Variants in CACNA2D3 observed in about 807,000 individuals in gnomAD.
The protein encoded by CACNA2D3 is voltage-dependent calcium channel subunit alpha-2/delta-3.
In CACNA2D3, 60 loss-of-function variants were observed where a neutral mutation model predicts 160.6. The observed-to-expected ratio is 0.37, with a 90% CI of 0.30 to 0.46. The LOEUF (loss-of-function observed/expected upper bound fraction) is 0.46. Among genes scored for constraint, CACNA2D3 ranks in the 20% least tolerant of loss-of-function variants. The probability of loss-of-function intolerance (pLI) is 1.00; values close to 1 mark genes in which losing one functional copy is unlikely to be tolerated. For synonymous variants in CACNA2D3, 558 were observed against 492.9 expected (o/e 1.13, Z -1.75); for missense variants, 1,205 against 1,365.0 (o/e 0.88, Z 1.85).
chr3:54,758,223 G>A (rs1357494176), intron 12 of CACNA2D3, among the ~76,000 whole-genome samples: 2 of 152,096 alleles, frequency 1.3e-5, no homozygotes, highest in Non-Finnish European at 2.9e-5. Context: ...GCTATAAGAA[G>A]GAGACAGCAT....
At chr3:55,070,968 G>A (rs560399761) in intron 35 of CACNA2D3, among the ~76,000 whole-genome samples, 9 of 152,104 alleles carry the variant, frequency 5.9e-5, no homozygotes, top group South Asian at 4.2e-4. Context: ...AGAGTTTTGG[G>A]TCCATATTTT....
At chr3:55,033,556 G>C (rs10703944) in intron 35 of CACNA2D3, among the ~76,000 whole-genome samples, 36,702 of 137,832 alleles carry the variant, frequency 0.27, 5,002 homozygotes, top group Admixed American at 0.32. Flanking sequence ...CGATATGTCT[G>C]AAACTATCGT....
intron 5 of CACNA2D3, among the ~76,000 whole-genome samples, chr3:54,559,407 C>T (rs1345489562): frequency 2.0e-5 from 3 of 152,102 alleles, no homozygotes; most frequent in African/African-American, 7.2e-5. Flanking sequence ...ATTTTCCTGT[C>T]TCAGCCTCCC....
chr3:54,907,205 A>T (rs1273252154), intron 27 of CACNA2D3, among the ~76,000 whole-genome samples: 1 of 152,222 alleles, frequency 6.6e-6, no homozygotes, highest in East Asian at 1.9e-4. Flanking sequence ...GGATGTGGAC[A>T]TAAAAGACAG....
At chr3:54,481,520 G>A (rs76648639) in intron 4 of CACNA2D3, among the ~76,000 whole-genome samples, 3,107 of 152,300 alleles carry the variant, frequency 0.02, 86 homozygotes, top group East Asian at 0.11. Context: ...CAGTTGGAGC[G>A]TGTGAAATGA....
At chr3:54,595,921 C>T (rs1702945262) in intron 9 of CACNA2D3, among the ~76,000 whole-genome samples, 1 of 152,072 alleles carries the variant, frequency 6.6e-6, no homozygotes, top group Non-Finnish European at 1.5e-5. Context: ...CACAGAGGAG[C>T]AAAGCCATTT....
chr3:54,290,045 G>A (rs10865984), intron 2 of CACNA2D3, among the ~76,000 whole-genome samples: 40,169 of 147,478 alleles, frequency 0.27, 5,742 homozygotes, highest in East Asian at 0.38. Flanking sequence ...AACAAAAGCC[G>A]AAATTGACAA....
At chr3:54,624,803 C>A (rs1396487799) in intron 9 of CACNA2D3, among the ~76,000 whole-genome samples, 2 of 152,162 alleles carry the variant, frequency 1.3e-5, no homozygotes, top group African/African-American at 4.8e-5. Context: ...ATGGGTGTTT[C>A]ATCATGCTCC....
chr3:54,677,581 A>G (rs753038151), intron 11 of CACNA2D3, among the ~76,000 whole-genome samples: 11 of 149,240 alleles, frequency 7.4e-5, no homozygotes, highest in Non-Finnish European at 1.0e-4. Flanking sequence ...GCTTGAAACA[A>G]TTAAAACAAT....
At chr3:54,231,220 A>G (rs1407154520) in intron 2 of CACNA2D3, among the ~76,000 whole-genome samples, 1 of 152,098 alleles carries the variant, frequency 6.6e-6, no homozygotes, top group African/African-American at 2.4e-5. Context: ...TTACTGCCGC[A>G]TGTCTGAGTG....
At chr3:54,268,108 A>G (rs951476226) in intron 2 of CACNA2D3, among the ~76,000 whole-genome samples, 3 of 152,180 alleles carry the variant, frequency 2.0e-5, no homozygotes, top group African/African-American at 7.2e-5. Context: ...GGCAATTGGG[A>G]ATATTAATAT....
In CACNA2D3 at chr3:54,934,546, A is replaced by C. The variant is rs189741638; in HGVS notation, c.2450-33904A>C. ...AGTTGCCTGATAAAATTAGTGGAGT[A>C]GTGGGTTTGAAATGTATGCCTCCAG... On this transcript the variant is annotated intron_variant, in intron 27 of 37. Transcript: ENST00000474759. Among the ~76,000 whole-genome samples, 882 of 152,312 alleles carry C rather than the reference A, an allele frequency of 5.8e-3. 12 individuals carry two copies. Among genetic ancestry groups the C allele is most frequent in the African/African-American group, 0.019 (791 of 41,570 alleles).
intron 14 of CACNA2D3, among the ~76,000 whole-genome samples, chr3:54,825,284 A>G (rs928992067): frequency 6.6e-6 from 1 of 152,216 alleles, no homozygotes; most frequent in Non-Finnish European, 1.5e-5. Context: ...AAGGGAAGGT[A>G]GAGGATCGAG....
chr3:55,036,666 C>T (rs566828735), intron 35 of CACNA2D3, among the ~76,000 whole-genome samples: 1 of 151,740 alleles, frequency 6.6e-6, no homozygotes, highest in Non-Finnish European at 1.5e-5. Context: ...CAGGGTTTCA[C>T]CATATTGGCC....
chr3:54,204,796 GA>G (rs57129457), intron 2 of CACNA2D3, among the ~76,000 whole-genome samples: 819 of 73,722 alleles, frequency 0.011, 2 homozygotes, highest in African/African-American at 0.022. Context: ...ATGCTGTCTT[GA>G]AAAAAAAAAA....
intron 4 of CACNA2D3, among the ~76,000 whole-genome samples, chr3:54,463,165 C>T (rs1194947873): frequency 6.6e-6 from 1 of 152,044 alleles, no homozygotes; most frequent in Non-Finnish European, 1.5e-5. Flanking sequence ...TGATGGGCTT[C>T]CCTTTGTGGG....
intron 3 of CACNA2D3, among the ~76,000 whole-genome samples, chr3:54,358,489 T>G (rs1181645877): frequency 6.6e-5 from 10 of 152,208 alleles, no homozygotes; most frequent in Admixed American, 6.5e-4. Context: ...ATGCCCAGGT[T>G]TCATCATCTG....
intron 9 of CACNA2D3, among the ~76,000 whole-genome samples, chr3:54,621,592 T>C (rs1206727369): frequency 6.6e-6 from 1 of 152,204 alleles, no homozygotes; most frequent in Non-Finnish European, 1.5e-5. Flanking sequence ...ATGGTTTATT[T>C]TAATTGAGAA....
At chr3:54,624,419 G>A (rs1172065615) in intron 9 of CACNA2D3, among the ~76,000 whole-genome samples, 2 of 152,262 alleles carry the variant, frequency 1.3e-5, no homozygotes, top group East Asian at 1.9e-4. Flanking sequence ...TCAGGAGATC[G>A]AGACCATCCT....
Sources: gnomAD v4.1 joint callset for allele counts (sites outside exome capture counted in the v4.1 genomes callset) on GRCh38, gnomAD v4.1.1 for gene constraint, MANE v1.5 for transcripts, NCBI Gene and HGNC (gene_info 2026-07-23, HGNC 2026-07-21) for gene names.